The following SAMMSON variants were observed in gnomAD, a reference collection of about 807,000 sequenced individuals.
SAMMSON encodes the protein survival associated mitochondrial melanoma specific oncogenic non-coding RNA.
intron 4 of SAMMSON, among the ~76,000 whole-genome samples, chr3:70,235,642 A>G (rs368391609): frequency 2.6e-5 from 4 of 152,222 alleles, no homozygotes; most frequent in East Asian, 3.9e-4. Flanking sequence ...AGGTTTCTCT[A>G]TGACCCCTTT....
chr3:70,167,610 T>A (rs2067643006), intron 4 of SAMMSON, among the ~76,000 whole-genome samples: 1 of 151,772 alleles, frequency 6.6e-6, no homozygotes, highest in South Asian at 2.1e-4. Flanking sequence ...TCCTAAGAAG[T>A]CCTGATTTTC....
chr3:70,138,537 C>T (rs1306257844), intron 4 of SAMMSON, among the ~76,000 whole-genome samples: 1 of 152,186 alleles, frequency 6.6e-6, no homozygotes, highest in African/African-American at 2.4e-5. Context: ...AATACTATCA[C>T]CTAGGTGGCT....
At chr3:70,185,327 T>C (rs985365228) in intron 4 of SAMMSON, among the ~76,000 whole-genome samples, 1 of 152,098 alleles carries the variant, frequency 6.6e-6, no homozygotes, top group Non-Finnish European at 1.5e-5. Flanking sequence ...CCTTCCACTA[T>C]GTAATGTGGT....
At chr3:70,150,017 T>A (rs2067564777) in intron 4 of SAMMSON, among the ~76,000 whole-genome samples, 1 of 152,096 alleles carries the variant, frequency 6.6e-6, no homozygotes, top group South Asian at 2.1e-4. Context: ...CCACTCCTTT[T>A]TTTCTTTTTT....
chr3:70,105,757 C>T (rs114161665), intron 4 of SAMMSON, among the ~76,000 whole-genome samples: 2,026 of 152,206 alleles, frequency 0.013, 41 homozygotes, highest in African/African-American at 0.045. Flanking sequence ...AGGGTGTCAG[C>T]GTGGCAGGGA....
At chr3:70,191,799 A>G (rs1701132612) in intron 4 of SAMMSON, among the ~76,000 whole-genome samples, 1 of 151,946 alleles carries the variant, frequency 6.6e-6, no homozygotes, top group Non-Finnish European at 1.5e-5. Flanking sequence ...TTTGGAATGA[A>G]CAGATTTGGC....
At chr3:70,423,065 C>T (rs1575646318) in intron 2 of SAMMSON, among the ~76,000 whole-genome samples, 1 of 151,374 alleles carries the variant, frequency 6.6e-6, no homozygotes, top group Non-Finnish European at 1.5e-5. Flanking sequence ...AACAAGTTAC[C>T]AAAATTATAT....
chr3:70,289,187 G>A (rs1209491592), intron 6 of SAMMSON, among the ~76,000 whole-genome samples: 1 of 150,184 alleles, frequency 6.7e-6, no homozygotes, highest in African/African-American at 2.4e-5. Context: ...TGATTTTGCA[G>A]CGGCTGGTAC....
chr3:70,432,191 T>C (rs1701419498), intron 2 of SAMMSON, among the ~76,000 whole-genome samples: 1 of 151,966 alleles, frequency 6.6e-6, no homozygotes, highest in African/African-American at 2.4e-5. Flanking sequence ...TTTCTCTATA[T>C]TCTCAACAAT....
chr3:70,371,153 A>T (rs1702964625), intron 9 of SAMMSON, among the ~76,000 whole-genome samples: 1 of 151,958 alleles, frequency 6.6e-6, no homozygotes, highest in Admixed American at 6.6e-5. Context: ...TGGGTTCTCT[A>T]TTCTGTTCCA....
intron 6 of SAMMSON, among the ~76,000 whole-genome samples, chr3:70,277,193 T>C (rs1702035763): frequency 1.3e-5 from 2 of 152,108 alleles, no homozygotes; most frequent in South Asian, 2.1e-4. Flanking sequence ...GCTGGAACAA[T>C]GAACATAGCC....
At chr3:70,320,996 T>C (rs887823352) in intron 7 of SAMMSON, among the ~76,000 whole-genome samples, 1 of 151,936 alleles carries the variant, frequency 6.6e-6, no homozygotes. Context: ...GTAAAGAGCT[T>C]GGAAAAAAAC....
rs575839390 is a variant in SAMMSON, at chr3:70,163,827, T to C, written n.508-85280T>C. ...AAGTTACAGTTATTCTGGAGAAAGT[T>C]AGAAAAAAATTGCCTCAAGCATTTG... On this transcript the variant is annotated intron_variant and non_coding_transcript_variant, in intron 4 of 9. Coordinates refer to ENST00000642114, the Ensembl canonical transcript of SAMMSON. Among the ~76,000 whole-genome samples, 15 of 152,090 alleles carry C rather than the reference T, an allele frequency of 9.9e-5. No individual in the cohort carries two copies. In the South Asian group the frequency reaches 2.7e-3, roughly 27 times the overall value.
intron 4 of SAMMSON, among the ~76,000 whole-genome samples, chr3:70,137,259 G>A (rs1050811412): frequency 1.3e-5 from 2 of 152,126 alleles, no homozygotes; most frequent in African/African-American, 4.8e-5. Flanking sequence ...AGTATGTATA[G>A]TACAGATAGG....
chr3:70,154,886 G>A (rs997298303), intron 4 of SAMMSON, among the ~76,000 whole-genome samples: 1 of 151,950 alleles, frequency 6.6e-6, no homozygotes, highest in Non-Finnish European at 1.5e-5. Context: ...ATAGGCTGGA[G>A]AGAAAAATGC....
rs11917439 is a variant in SAMMSON, at chr3:70,235,975, G to T, written n.508-13132G>T. Reference sequence around the variant, plus strand: ...CATCATGATTCTGTCTTCAAAACCTGCACAGGATTTGTCACAAGGTGCTTG... The same window carrying T: ...CATCATGATTCTGTCTTCAAAACCTTCACAGGATTTGTCACAAGGTGCTTG... On this transcript the variant is annotated intron_variant and non_coding_transcript_variant, in intron 4 of 9. Coordinates refer to ENST00000642114, the Ensembl canonical transcript of SAMMSON. Among the ~76,000 whole-genome samples the T allele has an allele frequency of 5.9e-3, 901 of 152,178 alleles. 9 individuals carry two copies. Among genetic ancestry groups the T allele is most frequent in the African/African-American group, 0.021 (857 of 41,498 alleles).
In SAMMSON at chr3:70,098,135, G is replaced by T. The variant is rs867932369; in HGVS notation, n.507+26570G>T. Reference sequence around the variant, plus strand: ...CACTTGTGGATTTTTGGGGGATAGAGAAATTATTGCAGGGCAATTTTGCCT... The same window carrying T: ...CACTTGTGGATTTTTGGGGGATAGATAAATTATTGCAGGGCAATTTTGCCT... On this transcript the variant is annotated intron_variant and non_coding_transcript_variant, in intron 4 of 9. Coordinates refer to ENST00000642114, the Ensembl canonical transcript of SAMMSON. Among the ~76,000 whole-genome samples, 14 of 152,176 alleles carry T rather than the reference G, an allele frequency of 9.2e-5. 1 individual carries two copies. Among genetic ancestry groups the T allele is most frequent in the Non-Finnish European group, 1.5e-5 (1 of 68,028 alleles).
chr3:70,282,992 T>G (rs190942164), intron 6 of SAMMSON, among the ~76,000 whole-genome samples: 2 of 152,132 alleles, frequency 1.3e-5, no homozygotes, highest in Admixed American at 1.3e-4. Flanking sequence ...AAGAAAAAAA[T>G]GGAGCAGGAG....
chr3:70,325,006 C>A (rs1702568623), intron 7 of SAMMSON, among the ~76,000 whole-genome samples: 2 of 151,524 alleles, frequency 1.3e-5, no homozygotes, highest in South Asian at 4.2e-4. Flanking sequence ...GAGTGAAATG[C>A]AGGAAAACTG....
Sources: allele counts gnomAD v4.1 joint callset (sites outside exome capture counted in the v4.1 genomes callset), GRCh38; gene constraint gnomAD v4.1.1; transcripts MANE v1.5; gene names NCBI Gene and HGNC (gene_info 2026-07-23, HGNC 2026-07-21).